GALNTL6: variants seen among roughly 807,000 people sequenced by gnomAD.
GALNTL6 encodes the protein polypeptide N-acetylgalactosaminyltransferase like 6.
A neutral mutation model predicts 73.7 loss-of-function variants in GALNTL6; 46 were observed. The ratio of observed to expected loss-of-function variants is 0.62; its 90% CI spans 0.49 to 0.80. The LOEUF (loss-of-function observed/expected upper bound fraction) is 0.80, where lower values mean the gene tolerates loss of function less well. Among genes scored for constraint, GALNTL6 ranks in the 30% least tolerant of loss-of-function variants. The pLI is 0.00. For synonymous variants in GALNTL6, 259 were observed against 263.7 expected, an observed-to-expected ratio of 0.98 and a Z score of 0.17; for missense variants, 604 against 755.0, an observed-to-expected ratio of 0.80 and a Z score of 2.34.
chr4:172,295,818 C>T (rs1365082252), intron 3 of GALNTL6, among the ~76,000 whole-genome samples: 1 of 151,914 alleles, frequency 6.6e-6, no homozygotes, highest in Non-Finnish European at 1.5e-5. Context: ...TATAGATCAT[C>T]ATTAGTAACA....
intron 5 of GALNTL6, among the ~76,000 whole-genome samples, chr4:172,766,659 T>A (rs1452744292): frequency 6.6e-6 from 1 of 152,214 alleles, no homozygotes; most frequent in Non-Finnish European, 1.5e-5. Context: ...TCACCTGTCC[T>A]TCCAAATTCT....
rs545350023 is a variant in GALNTL6, at chr4:172,605,469, G to A, written c.554-203892G>A. Among the ~76,000 whole-genome samples, 21 of 152,196 alleles carry A rather than the reference G, an allele frequency of 1.4e-4. 1 individual carries two copies. The South Asian group carries it at 4.4e-3, about 32-fold the overall frequency. On this transcript the variant is annotated intron_variant, in intron 5 of 12. Transcript: ENST00000506823. ...AGTGGGCATATACATATTTTCAACA[G>A]AATGAAATGGTGCCATAATAAAAGA...
At chr4:172,522,785 A>C (rs1409896561) in intron 5 of GALNTL6, among the ~76,000 whole-genome samples, 1 of 151,530 alleles carries the variant, frequency 6.6e-6, no homozygotes, top group East Asian at 1.9e-4. Flanking sequence ...GTGTTTTCTT[A>C]ATTCATTGCA....
At chr4:172,946,043 T>C (rs993646886) in intron 9 of GALNTL6, among the ~76,000 whole-genome samples, 4 of 152,164 alleles carry the variant, frequency 2.6e-5, no homozygotes, top group African/African-American at 7.2e-5. Context: ...ACCTCCTTGC[T>C]GTAGGAGTGA....
chr4:172,761,708 C>T (rs12646925), intron 5 of GALNTL6, among the ~76,000 whole-genome samples: 1 of 129,560 alleles, frequency 7.7e-6, no homozygotes, highest in African/African-American at 2.9e-5. Flanking sequence ...TCTCTCTCTC[C>T]TGCTCCACTA....
intron 2 of GALNTL6, among the ~76,000 whole-genome samples, chr4:172,205,888 C>T (rs1156599685): frequency 6.6e-6 from 1 of 152,144 alleles, no homozygotes; most frequent in Non-Finnish European, 1.5e-5. Flanking sequence ...AGTTCTATGC[C>T]TTGTTGTTTT....
chr4:172,720,342 G>C (rs1394141041), intron 5 of GALNTL6, among the ~76,000 whole-genome samples: 1 of 152,098 alleles, frequency 6.6e-6, no homozygotes, highest in Non-Finnish European at 1.5e-5. Context: ...TCCCCTGCTA[G>C]AGTGCTTCCC....
chr4:172,609,983 G>A (rs1481940912), intron 5 of GALNTL6, among the ~76,000 whole-genome samples: 1 of 152,016 alleles, frequency 6.6e-6, no homozygotes, highest in South Asian at 2.1e-4. Flanking sequence ...TGTGTGCATA[G>A]AGGTATTCAT....
At chr4:172,610,370 T>C (rs1188088492) in intron 5 of GALNTL6, among the ~76,000 whole-genome samples, 1 of 152,118 alleles carries the variant, frequency 6.6e-6, no homozygotes, top group Non-Finnish European at 1.5e-5. Flanking sequence ...ACTGCTTACC[T>C]GTGACCTAGA....
intron 5 of GALNTL6, among the ~76,000 whole-genome samples, chr4:172,757,483 G>A (rs1182799026): frequency 1.3e-5 from 2 of 152,216 alleles, no homozygotes; most frequent in East Asian, 1.9e-4. Context: ...TGAGGAAACT[G>A]AGGCTTAGAG....
At chr4:172,454,632 A>G (rs1201739107) in intron 5 of GALNTL6, among the ~76,000 whole-genome samples, 2 of 152,234 alleles carry the variant, frequency 1.3e-5, no homozygotes, top group East Asian at 3.9e-4. Flanking sequence ...CCAACATAGA[A>G]TAAACTTGTC....
chr4:172,439,972 G>T (rs935125122), intron 5 of GALNTL6, among the ~76,000 whole-genome samples: 5 of 152,030 alleles, frequency 3.3e-5, no homozygotes, highest in African/African-American at 1.2e-4. Context: ...TCTTGGTGTT[G>T]TATGTTCTAT....
chr4:172,942,150 TA>T (rs61438742), intron 9 of GALNTL6, among the ~76,000 whole-genome samples: 2,920 of 152,300 alleles, frequency 0.019, 93 homozygotes, highest in African/African-American at 0.065. Context: ...CTGGGTGTTC[TA>T]ATTCTGAAAA....
chr4:172,342,859 A>G (rs1741618136), intron 4 of GALNTL6, among the ~76,000 whole-genome samples: 1 of 152,166 alleles, frequency 6.6e-6, no homozygotes, highest in Non-Finnish European at 1.5e-5. Flanking sequence ...GTTCTGACCA[A>G]TGAGCTGTAA....
intron 2 of GALNTL6, among the ~76,000 whole-genome samples, chr4:171,962,311 C>T (rs1278420068): frequency 1.3e-5 from 2 of 152,064 alleles, no homozygotes; most frequent in Non-Finnish European, 2.9e-5. Context: ...GGCTGCATTC[C>T]CAGGAGGTTA....
chr4:172,700,616 T>G (rs540139926), intron 5 of GALNTL6, among the ~76,000 whole-genome samples: 3 of 152,228 alleles, frequency 2.0e-5, no homozygotes, highest in Admixed American at 6.5e-5. Flanking sequence ...AGCCATCCAG[T>G]GGACAAACAG....
At chr4:172,161,345 C>T (rs1560947963) in intron 2 of GALNTL6, among the ~76,000 whole-genome samples, 1 of 151,742 alleles carries the variant, frequency 6.6e-6, no homozygotes, top group South Asian at 2.1e-4. Context: ...GAATCATGAC[C>T]CTTCATCTCT....
chr4:172,415,754 G>T (rs1730808516), intron 5 of GALNTL6, among the ~76,000 whole-genome samples: 2 of 152,094 alleles, frequency 1.3e-5, no homozygotes, highest in African/African-American at 2.4e-5. Context: ...AGGGGGGTCC[G>T]AGTGAGAGGG....
chr4:172,312,556 C>G (rs571482100), intron 4 of GALNTL6, among the ~76,000 whole-genome samples: 1 of 152,194 alleles, frequency 6.6e-6, no homozygotes, highest in East Asian at 1.9e-4. Context: ...TATCCTTTCA[C>G]CCACAACAAC....
Sources: gnomAD v4.1 joint callset for allele counts (sites outside exome capture counted in the v4.1 genomes callset) on GRCh38, gnomAD v4.1.1 for gene constraint, MANE v1.5 for transcripts, NCBI Gene and HGNC (gene_info 2026-07-23, HGNC 2026-07-21) for gene names.